ARL15: variants seen among roughly 807,000 people sequenced by gnomAD.
ARL15 encodes ARF like GTPase 15.
A neutral mutation model predicts 25.2 loss-of-function variants in ARL15; 19 were observed. The ratio of observed to expected loss-of-function variants is 0.75; its 90% CI spans 0.53 to 1.10. ARL15 has a LOEUF of 1.10. ARL15 is among the 50% of genes least tolerant of loss of function. ARL15 has a pLI of 0.00. For missense variants in ARL15, 220 were observed against 246.0 expected, an observed-to-expected ratio of 0.89 and a Z score of 0.71; for synonymous variants, 94 against 86.8, an observed-to-expected ratio of 1.08 and a Z score of -0.46.
chr5:54,077,517 G>C (rs1004247304), intron 4 of ARL15, among the ~76,000 whole-genome samples: 2 of 152,160 alleles, frequency 1.3e-5, no homozygotes, highest in Non-Finnish European at 2.9e-5. Flanking sequence ...GTGTTGAAAA[G>C]GTCTGAAGGA....
intron 4 of ARL15, among the ~76,000 whole-genome samples, chr5:53,925,372 C>G (rs1745986616): frequency 6.6e-6 from 1 of 151,924 alleles, no homozygotes; most frequent in Non-Finnish European, 1.5e-5. Context: ...ATTTTTTTTA[C>G]TATTTGTAGA....
At chr5:54,210,308 G>T (rs577551109) in intron 1 of ARL15, among the ~76,000 whole-genome samples, 1 of 152,184 alleles carries the variant, frequency 6.6e-6, no homozygotes, top group African/African-American at 2.4e-5. Flanking sequence ...TATTTCTTAA[G>T]CAAGGCAAGA....
At position 53,968,681 on chromosome 5, in the gene ARL15, T is replaced by A. The variant is rs563691834; in HGVS notation, c.463-81968A>T. ...GCATTCATTCATTCATTCATTCATT[T>A]TGTATTTTTAGTAGAGACGGGGTTT... is the stretch of plus-strand genomic sequence containing the variant. On this transcript the variant is annotated intron_variant, in intron 4 of 4. Coordinates refer to ENST00000504924, the MANE Select transcript of ARL15 (RefSeq NM_019087.3). Among the ~76,000 whole-genome samples, 136 of 152,018 alleles carry A rather than the reference T, an allele frequency of 8.9e-4. 1 individual carries two copies. Among genetic ancestry groups the A allele is most frequent in the African/African-American group, 3.0e-3 (125 of 41,450 alleles).
At chr5:54,246,797 TACACACACACACACACACACACACAC>T (rs61025147) in intron 1 of ARL15, among the ~76,000 whole-genome samples, 1 of 138,998 alleles carries the variant, frequency 7.2e-6, no homozygotes. Context: ...AAAGCATGCA[TACACACACACACACACACACACACAC>T]ACACACACAC....
chr5:53,927,989 C>T (rs981448315), intron 4 of ARL15, among the ~76,000 whole-genome samples: 3 of 151,998 alleles, frequency 2.0e-5, no homozygotes, highest in Admixed American at 2.0e-4. Flanking sequence ...ATTGTGTGGA[C>T]TAGGTGAGAG....
intron 1 of ARL15, among the ~76,000 whole-genome samples, chr5:54,241,183 G>C (rs947395083): frequency 5.3e-5 from 8 of 151,788 alleles, no homozygotes; most frequent in African/African-American, 1.7e-4. Context: ...TGTCCATAAA[G>C]AAAGAAAGAA....
At chr5:54,059,782 G>A (rs899286027) in intron 4 of ARL15, among the ~76,000 whole-genome samples, 3 of 152,184 alleles carry the variant, frequency 2.0e-5, no homozygotes, top group Admixed American at 6.5e-5. Context: ...GGCTCCTTCA[G>A]CACTATTGAG....
rs536206027 is a variant in ARL15 at position 53,912,779 on chromosome 5, A to G, written c.463-26066T>C. Among the ~76,000 whole-genome samples, 4 of 152,318 alleles carry G rather than the reference A, an allele frequency of 2.6e-5. No individual in the cohort carries two copies. In the East Asian group the frequency reaches 7.7e-4, roughly 29 times the overall value. On this transcript the variant is annotated intron_variant, in intron 4 of 4. Transcript: ENST00000504924. ...ATTCAACTTATCCATTCATTCATTC[A>G]ACAGATACTCAACAGGAACCTACTA...
chr5:54,306,667 G>C (rs888929139), intron 1 of ARL15, among the ~76,000 whole-genome samples: 2 of 152,034 alleles, frequency 1.3e-5, no homozygotes, highest in African/African-American at 4.8e-5. Flanking sequence ...CTGGGATTAC[G>C]GGCGTGAGCC....
chr5:54,124,181 A>C (rs1193706653), intron 3 of ARL15, among the ~76,000 whole-genome samples: 2 of 152,208 alleles, frequency 1.3e-5, no homozygotes, highest in African/African-American at 4.8e-5. Flanking sequence ...AAGGTTCCAC[A>C]GTGCTGAATT....
In ARL15 at chr5:54,026,594, A is replaced by C. The variant is rs1034537883; in HGVS notation, c.462+86608T>G. ...CTATACCTTTCAATTTATAATTCTG[A>C]GTCGAACATTCAAGAGAGCCAAGGG... On this transcript the variant is annotated intron_variant, in intron 4 of 4. Transcript: ENST00000504924. Among the ~76,000 whole-genome samples, 9 of 152,302 alleles carry C rather than the reference A, an allele frequency of 5.9e-5. 1 individual carries two copies. The highest frequency in any genetic ancestry group is 3.4e-3 in the Middle Eastern group (1 of 294).
chr5:53,935,385 G>A (rs571189196), intron 4 of ARL15, among the ~76,000 whole-genome samples: 2 of 152,162 alleles, frequency 1.3e-5, no homozygotes, highest in African/African-American at 2.4e-5. Context: ...AAAATAAACA[G>A]AATACTATTC....
chr5:54,170,575 T>C lies in ARL15; in HGVS notation c.193+1209A>G, dbSNP rs1173569701. The stretch of plus-strand genomic sequence containing the variant: ...AAATGCAGTTTCTAGGAGTTGCCAA[T>C]CTGTTTGACACTCCTTACCTTCACA... On this transcript the variant is annotated intron_variant, in intron 2 of 4. Coordinates refer to ENST00000504924, the MANE Select transcript of ARL15 (RefSeq NM_019087.3). 1.1e-4 allele frequency among the ~76,000 whole-genome samples: 17 copies of C among 152,146 alleles called. 1 individual carries two copies. The highest frequency in any genetic ancestry group is 1.1e-3 in the Admixed American group (17 of 15,262).
At chr5:54,140,410 GGATA>G (rs1236215709) in intron 3 of ARL15, among the ~76,000 whole-genome samples, 1 of 142,520 alleles carries the variant, frequency 7.0e-6, no homozygotes, top group Non-Finnish European at 1.5e-5. Flanking sequence ...ATGCGTGTGT[GGATA>G]GACAGATAGA....
chr5:54,058,012 A>C (rs55734349), intron 4 of ARL15, among the ~76,000 whole-genome samples: 1 of 65,314 alleles, frequency 1.5e-5, no homozygotes, highest in Admixed American at 2.1e-4. Flanking sequence ...TTATTTATTT[A>C]TTTATTTTTT....
chr5:54,061,086 C>T (rs1234593919), intron 4 of ARL15, among the ~76,000 whole-genome samples: 1 of 152,116 alleles, frequency 6.6e-6, no homozygotes, highest in Non-Finnish European at 1.5e-5. Flanking sequence ...TCATGATAGC[C>T]CCTCTTATCA....
intron 4 of ARL15, among the ~76,000 whole-genome samples, chr5:53,979,219 T>A (rs1748041180): frequency 6.6e-6 from 1 of 152,080 alleles, no homozygotes; most frequent in Non-Finnish European, 1.5e-5. Flanking sequence ...AGGTACCTGG[T>A]CTTTATATAT....
At position 54,190,852 on chromosome 5, in the gene ARL15, T is replaced by C. The variant is rs140354860; in HGVS notation, c.49-18924A>G. On this transcript the variant is annotated intron_variant, in intron 1 of 4. Coordinates refer to ENST00000504924, the MANE Select transcript of ARL15 (RefSeq NM_019087.3). The stretch of plus-strand genomic sequence containing the variant: ...GAGAAATTAGAACCCTTGTACACTG[T>C]TGGGAAGAATGTAAAATGATATAGC... Among the ~76,000 whole-genome samples the C allele has an allele frequency of 3.7e-3, 564 of 152,248 alleles. 1 individual carries two copies. The highest frequency in any genetic ancestry group is 0.013 in the African/African-American group (542 of 41,552).
chr5:54,049,150 T>C (rs1426747769), intron 4 of ARL15, among the ~76,000 whole-genome samples: 5 of 152,092 alleles, frequency 3.3e-5, no homozygotes, highest in Non-Finnish European at 5.9e-5. Flanking sequence ...AGTACTTTGA[T>C]TTCAAAAGTA....
Sources: allele counts gnomAD v4.1 joint callset (sites outside exome capture counted in the v4.1 genomes callset), GRCh38; gene constraint gnomAD v4.1.1; transcripts MANE v1.5; gene names NCBI Gene and HGNC (gene_info 2026-07-23, HGNC 2026-07-21).